The following VEPH1 variants were observed in gnomAD, a reference collection of about 807,000 sequenced individuals.
The protein encoded by VEPH1 is ventricular zone-expressed PH domain-containing protein homolog 1.
In VEPH1, 80 loss-of-function variants were observed where a neutral mutation model predicts 85.2. That is an observed-to-expected ratio of 0.94 (90% CI 0.78 to 1.13). The LOEUF is 1.13. VEPH1 is among the 50% of genes most tolerant of loss of function. The pLI, the probability that VEPH1 is intolerant of heterozygous loss-of-function variation, is 0.00. For missense variants in VEPH1, 955 were observed against 980.5 expected (o/e 0.97, Z 0.35); for synonymous variants, 297 against 348.0 (o/e 0.85, Z 1.63).
At chr3:157,399,997 T>C (rs1053855063) in intron 6 of VEPH1, among the ~76,000 whole-genome samples, 1 of 152,124 alleles carries the variant, frequency 6.6e-6, no homozygotes, top group Non-Finnish European at 1.5e-5. Context: ...TAATTGAATA[T>C]ATTTTTCTAC....
At chr3:157,497,464 A>G (rs746478342) in intron 1 of VEPH1, among the ~76,000 whole-genome samples, 3 of 152,340 alleles carry the variant, frequency 2.0e-5, no homozygotes, top group Admixed American at 6.5e-5. Flanking sequence ...AAGGAAAATC[A>G]GCACAGTGTT....
chr3:157,326,596 G>A (rs1559961470), intron 9 of VEPH1, among the ~76,000 whole-genome samples: 2 of 152,188 alleles, frequency 1.3e-5, no homozygotes, highest in Non-Finnish European at 2.9e-5. Context: ...TTCTATGGTT[G>A]TTAGGTAGGA....
At chr3:157,421,966 C>T (rs904322862) in intron 5 of VEPH1, among the ~76,000 whole-genome samples, 6 of 152,170 alleles carry the variant, frequency 3.9e-5, no homozygotes, top group African/African-American at 1.2e-4. Context: ...TGAGTTCACC[C>T]TCTCCTCATT....
At chr3:157,364,788 T>A (rs998968710) in intron 7 of VEPH1, among the ~76,000 whole-genome samples, 2 of 152,234 alleles carry the variant, frequency 1.3e-5, no homozygotes, top group African/African-American at 4.8e-5. Context: ...TTTATGCTCA[T>A]GTACCATATT....
chr3:157,265,427 GA>G (rs1287366594), intron 13 of VEPH1, 98 bp downstream of exon 13: 2 of 1,347,846 alleles, frequency 1.5e-6, no homozygotes, highest in Non-Finnish European at 2.0e-6. Flanking sequence ...AATGGAGATG[GA>G]AAAATTATTA....
At chr3:157,470,119 T>C (rs1231394834) in intron 3 of VEPH1, among the ~76,000 whole-genome samples, 195 bp downstream of exon 3, 1 of 152,210 alleles carries the variant, frequency 6.6e-6, no homozygotes, top group Non-Finnish European at 1.5e-5. Context: ...CTACAGTGTG[T>C]CTTGCACGTA....
At position 157,460,338 on chromosome 3, in the gene VEPH1, T is replaced by TG. The variant is rs1735745133; in HGVS notation, c.371dup (p.Val125SerfsTer26). On this transcript the variant is annotated frameshift_variant, in exon 4 of 14. Transcript: ENST00000362010. LOFTEE classifies it high-confidence loss of function. ...CAATGGGGATGGCTAATGCCATCAC[T>TG]GGGGGTCGGTTGTAATTCTGAGGAA... 6 of 1,612,786 alleles carry TG rather than the reference T, an allele frequency of 3.7e-6. No individual in the cohort carries two copies. In the East Asian group the frequency reaches 8.9e-5, roughly 24 times the overall value.
intron 2 of VEPH1, among the ~76,000 whole-genome samples, chr3:157,486,292 T>C (rs1288979725): frequency 2.0e-5 from 3 of 151,818 alleles, no homozygotes; most frequent in South Asian, 4.2e-4. Context: ...GGTCAGGAGT[T>C]CAAGACAAGC....
intron 6 of VEPH1, 68 bp from the exon 7 acceptor site, chr3:157,381,444 C>G: frequency 6.6e-7 from 1 of 1,523,058 alleles, no homozygotes; most frequent in South Asian, 1.2e-5. Flanking sequence ...GGTGGTCATG[C>G]CTGTAATCCC....
intron 2 of VEPH1, among the ~76,000 whole-genome samples, chr3:157,479,684 A>T (rs1450366422): frequency 1.3e-5 from 2 of 152,202 alleles, no homozygotes; most frequent in African/African-American, 2.4e-5. Flanking sequence ...ACTGCATCAG[A>T]ATGCCCATGC....
intron 1 of VEPH1, among the ~76,000 whole-genome samples, chr3:157,497,624 C>T (rs1474879224): frequency 6.6e-6 from 1 of 152,170 alleles, no homozygotes; most frequent in Non-Finnish European, 1.5e-5. Context: ...CCATGAAGTA[C>T]ATTCAACTGC....
At chr3:157,369,192 A>AAAAAAAAAAACAAAAAAAAAC (rs1727173019) in intron 7 of VEPH1, among the ~76,000 whole-genome samples, 1 of 142,704 alleles carries the variant, frequency 7.0e-6, no homozygotes, top group Non-Finnish European at 1.6e-5. Flanking sequence ...AAAAAAAAAA[A>AAAAAAAAAAACAAAAAAAAAC]AAAAAAAAAA....
At chr3:157,356,526 T>C (rs998142767) in intron 9 of VEPH1, among the ~76,000 whole-genome samples, 5 of 152,208 alleles carry the variant, frequency 3.3e-5, no homozygotes, top group African/African-American at 1.2e-4. Context: ...CACCTGAAAT[T>C]TGATGGTTGT....
In VEPH1 at chr3:157,422,921, C is replaced by G. The variant is rs191629844; in HGVS notation, c.696+5401G>C. 3.2e-3 allele frequency among the ~76,000 whole-genome samples: 488 copies of G among 150,576 alleles called. 4 individuals are homozygous for G. The highest frequency in any genetic ancestry group is 3.4e-3 in the Middle Eastern group (1 of 292). ...TCCCACCCTGCCTCAATGATGCTGCCTTTTATAAAAAAGATAACAACTGGT... is the reference window on the plus strand; with the variant it reads ...TCCCACCCTGCCTCAATGATGCTGCGTTTTATAAAAAAGATAACAACTGGT... On this transcript the variant is annotated intron_variant, in intron 5 of 13. Transcript: ENST00000362010.
chr3:157,447,044 G>C (rs1272468796), intron 4 of VEPH1, among the ~76,000 whole-genome samples: 2 of 152,182 alleles, frequency 1.3e-5, no homozygotes, highest in African/African-American at 2.4e-5. Context: ...AAATAAGATA[G>C]TTATCTTAAA....
At position 157,357,731 on chromosome 3, in the gene VEPH1, G is replaced by A. The variant is rs968769760; in HGVS notation, c.1735+5633C>T. Among the ~76,000 whole-genome samples the A allele has an allele frequency of 3.3e-5, 5 of 152,166 alleles. No homozygotes were observed. The East Asian group carries it at 7.7e-4, about 23-fold the overall frequency. ...TAGTCTCGAACTCCTGACCTCAGGT[G>A]ATCCGCCTGCCTTGGCCTCCCAAAG... On this transcript the variant is annotated intron_variant, in intron 9 of 13. Transcript: ENST00000362010.
chr3:157,326,007 T>C (rs1256976595), intron 9 of VEPH1, among the ~76,000 whole-genome samples: 1 of 152,214 alleles, frequency 6.6e-6, no homozygotes, highest in Non-Finnish European at 1.5e-5. Flanking sequence ...TCCGATTTCT[T>C]TGAGCAGCAG....
intron 11 of VEPH1, among the ~76,000 whole-genome samples, chr3:157,299,559 C>CAAAA (rs10535235): frequency 2.1e-4 from 22 of 102,994 alleles, no homozygotes; most frequent in African/African-American, 3.1e-4. Flanking sequence ...GGCCCTGTCT[C>CAAAA]AAAAAAAAAA....
chr3:157,318,632 A>AAG (rs1553763835), intron 9 of VEPH1, among the ~76,000 whole-genome samples: 2 of 128,506 alleles, frequency 1.6e-5, no homozygotes, highest in African/African-American at 2.6e-5. Flanking sequence ...AACAAAAAAA[A>AAG]AAAGAAAGAA....
Sources: allele counts gnomAD v4.1 joint callset (sites outside exome capture counted in the v4.1 genomes callset), GRCh38; gene constraint gnomAD v4.1.1; transcripts MANE v1.5; gene names NCBI Gene and HGNC (gene_info 2026-07-23, HGNC 2026-07-21).